The following GPHN variants were observed in gnomAD, a reference collection of about 807,000 sequenced individuals.
GPHN encodes the protein gephyrin.
A neutral mutation model predicts 95.5 loss-of-function variants in GPHN; 17 were observed. That is an observed-to-expected ratio of 0.18 (90% CI 0.12 to 0.27). The LOEUF (loss-of-function observed/expected upper bound fraction) is 0.27. GPHN is among the 10% of genes least tolerant of loss of function. The pLI is 1.00. For missense variants in GPHN, 660 were observed against 978.1 expected (o/e 0.67, Z 4.34); for synonymous variants, 320 against 322.5 (o/e 0.99, Z 0.08).
At chr14:66,577,132 A>AC (rs2060940579) in intron 1 of GPHN, among the ~76,000 whole-genome samples, 1 of 152,168 alleles carries the variant, frequency 6.6e-6, no homozygotes, top group Non-Finnish European at 1.5e-5. Context: ...TAAAGGTGGG[A>AC]CCTGAGATTC....
At chr14:66,881,927 A>G (rs1190931962) in intron 5 of GPHN, among the ~76,000 whole-genome samples, 1 of 151,858 alleles carries the variant, frequency 6.6e-6, no homozygotes, top group Non-Finnish European at 1.5e-5. Flanking sequence ...GAATATATTT[A>G]TAAACTTTGG....
intron 3 of GPHN, among the ~76,000 whole-genome samples, chr14:66,807,978 A>G (rs2060613753): frequency 6.6e-6 from 1 of 152,206 alleles, no homozygotes; most frequent in Non-Finnish European, 1.5e-5. Flanking sequence ...TCTCAAATAG[A>G]TGTACCAATT....
chr14:67,691,648 C>T, the GPHN span: 1 of 170,710 alleles, frequency 5.9e-6, no homozygotes, highest in Non-Finnish European at 1.3e-5. Context: ...ATACTGGCTT[C>T]ACCTCTTTAT....
At chr14:66,725,506 C>G (rs2071148183) in intron 2 of GPHN, among the ~76,000 whole-genome samples, 1 of 152,124 alleles carries the variant, frequency 6.6e-6, no homozygotes, top group Non-Finnish European at 1.5e-5. Context: ...TGTTTTTTGA[C>G]AGTGTCTTGC....
the GPHN span, among the ~76,000 whole-genome samples, chr14:67,396,555 C>A: frequency 6.6e-6 from 1 of 152,198 alleles, no homozygotes. Flanking sequence ...GGTGAACATT[C>A]CCCTTTGACC....
chr14:66,847,243 T>G (rs1249858281), intron 4 of GPHN, among the ~76,000 whole-genome samples: 5 of 152,156 alleles, frequency 3.3e-5, no homozygotes, highest in Non-Finnish European at 7.4e-5. Context: ...ACGACCAGAT[T>G]TAGCTTGTTT....
At chr14:67,542,781 A>G in the GPHN span, among the ~76,000 whole-genome samples, 1 of 151,930 alleles carries the variant, frequency 6.6e-6, no homozygotes, top group Non-Finnish European at 1.5e-5. Context: ...GCTCGCCACA[A>G]TCTCCGCCTC....
the GPHN span, among the ~76,000 whole-genome samples, chr14:67,330,894 A>G: frequency 6.6e-6 from 1 of 152,176 alleles, no homozygotes; most frequent in Non-Finnish European, 1.5e-5. Context: ...AGTCTTTTCA[A>G]ATTTGTTGAG....
rs147252707 is a variant in GPHN at position 66,530,364 on chromosome 14, C to T, written c.64+21773C>T. Among the ~76,000 whole-genome samples, 787 of 152,234 alleles carry T rather than the reference C, an allele frequency of 5.2e-3. 8 individuals carry two copies. The highest frequency in any genetic ancestry group is 0.014 in the Middle Eastern group (4 of 294). ...CTGGCAGGGAGAATTTCAAGCCAGT[C>T]GATCTTAGCTTGCTGGGCTCCTTGG... On this transcript the variant is annotated intron_variant, in intron 1 of 22. Transcript: ENST00000478722.
At chr14:67,318,320 AAATTT>A in the GPHN span, among the ~76,000 whole-genome samples, 1 of 146,620 alleles carries the variant, frequency 6.8e-6, no homozygotes, top group Admixed American at 6.9e-5. Context: ...CAACTTTAAT[AAATTT>A]TTTTCTAAAA....
chr14:66,939,919 A>G (rs2067321668), intron 8 of GPHN, among the ~76,000 whole-genome samples: 1 of 152,116 alleles, frequency 6.6e-6, no homozygotes, highest in African/African-American at 2.4e-5. Flanking sequence ...CAAGAGAGAA[A>G]CCAGGTTATT....
chr14:66,900,960 T>G lies in GPHN; in HGVS notation c.390-15043T>G, dbSNP rs138191906. Among the ~76,000 whole-genome samples, 459 of 152,118 alleles carry G rather than the reference T, an allele frequency of 3.0e-3. 3 individuals carry two copies. The highest frequency in any genetic ancestry group is 0.011 in the African/African-American group (441 of 41,538). ...TCTATTTCTAGTTTTATGAGGAAAT[T>G]CCATACTGCTCTCCATAGTGGCTCT... is the stretch of plus-strand genomic sequence containing the variant. On this transcript the variant is annotated intron_variant, in intron 5 of 22. Transcript: ENST00000478722.
intron 8 of GPHN, among the ~76,000 whole-genome samples, chr14:66,934,201 T>C (rs1264561169): frequency 6.6e-6 from 1 of 152,018 alleles, no homozygotes; most frequent in East Asian, 1.9e-4. Flanking sequence ...AAATTACTTC[T>C]TTACCTTCCT....
chr14:67,340,072 T>A, the GPHN span: 1 of 165,400 alleles, frequency 6.0e-6, no homozygotes, highest in Non-Finnish European at 1.3e-5. Context: ...AGTCTTGGCT[T>A]GTCCAAAGGT....
the GPHN span, chr14:67,374,443 AT>A: frequency 5.3e-6 from 8 of 1,519,674 alleles, no homozygotes; most frequent in Non-Finnish European, 7.2e-6. Flanking sequence ...GACAGAGATG[AT>A]TTTTTCACAA....
At chr14:67,397,185 C>A in the GPHN span, among the ~76,000 whole-genome samples, 1 of 152,180 alleles carries the variant, frequency 6.6e-6, no homozygotes, top group African/African-American at 2.4e-5. Flanking sequence ...GCAATCTGCC[C>A]ATCTCGGCCT....
intron 1 of GPHN, among the ~76,000 whole-genome samples, chr14:66,656,108 C>A (rs2065292573): frequency 6.6e-6 from 1 of 151,770 alleles, no homozygotes; most frequent in Non-Finnish European, 1.5e-5. Context: ...GCGTAATATT[C>A]CCTTCATAAT....
At chr14:66,840,215 G>C (rs1199107219) in intron 4 of GPHN, among the ~76,000 whole-genome samples, 3 of 152,084 alleles carry the variant, frequency 2.0e-5, no homozygotes, top group Non-Finnish European at 4.4e-5. Flanking sequence ...GTAGGTGGAG[G>C]TTGCAATGAG....
the GPHN span, chr14:67,350,604 C>T: frequency 1.2e-6 from 2 of 1,611,600 alleles, no homozygotes; most frequent in Admixed American, 3.4e-5. Context: ...CCGTTTAGTC[C>T]CCTTACCTGA....
Sources: gnomAD v4.1 joint callset for allele counts (sites outside exome capture counted in the v4.1 genomes callset) on GRCh38, gnomAD v4.1.1 for gene constraint, MANE v1.5 for transcripts, NCBI Gene and HGNC (gene_info 2026-07-23, HGNC 2026-07-21) for gene names.